RAI1: variants seen among roughly 807,000 people sequenced by gnomAD.
The protein encoded by RAI1 is retinoic acid induced 1, also known as retinoic acid-induced protein 1.
RAI1 carries 9 observed loss-of-function variants against 123.8 expected under a neutral mutation model. The observed-to-expected ratio is 0.07, with a 90% CI of 0.04 to 0.13. RAI1 has a LOEUF of 0.13. RAI1 is among the 10% of genes least tolerant of loss of function. The pLI is 1.00. For synonymous variants in RAI1, 1,231 were observed against 1,127.3 expected (o/e 1.09, Z -1.84); for missense variants, 2,256 against 2,545.8 (o/e 0.89, Z 2.45).
At chr17:17,779,771 CTTT>C (rs35262127) in intron 2 of RAI1, among the ~76,000 whole-genome samples, 21 of 107,930 alleles carry the variant, frequency 1.9e-4, no homozygotes, top group African/African-American at 1.9e-4. Flanking sequence ...CCTCCCCACC[CTTT>C]TTTTTTTTTT....
intron 2 of RAI1, among the ~76,000 whole-genome samples, chr17:17,763,629 G>T (rs2030798716): frequency 6.6e-6 from 1 of 152,248 alleles, no homozygotes; most frequent in Non-Finnish European, 1.5e-5. Flanking sequence ...GGTCATAAAA[G>T]AACCTGGTGC....
intron 2 of RAI1, among the ~76,000 whole-genome samples, chr17:17,774,315 G>A (rs1352369293): frequency 1.3e-5 from 2 of 152,278 alleles, no homozygotes; most frequent in African/African-American, 2.4e-5. Context: ...CACACAGCGA[G>A]TCAGCAGTGG....
intron 1 of RAI1, among the ~76,000 whole-genome samples, chr17:17,705,210 C>T (rs1416566993): frequency 6.6e-6 from 1 of 152,230 alleles, no homozygotes; most frequent in Non-Finnish European, 1.5e-5. Context: ...AGGAGAACAA[C>T]AGCCATGGAG....
At chr17:17,705,211 A>G (rs745836738) in intron 1 of RAI1, among the ~76,000 whole-genome samples, 2 of 152,254 alleles carry the variant, frequency 1.3e-5, no homozygotes, top group Non-Finnish European at 2.9e-5. Flanking sequence ...GGAGAACAAC[A>G]GCCATGGAGG....
At chr17:17,707,366 C>T (rs545973333) in intron 1 of RAI1, among the ~76,000 whole-genome samples, 15 of 152,100 alleles carry the variant, frequency 9.9e-5, no homozygotes, top group African/African-American at 3.1e-4. Flanking sequence ...GGGGGAGATG[C>T]GTGCAGTTTT....
At chr17:17,783,270 C>G (rs1000153450) in intron 2 of RAI1, among the ~76,000 whole-genome samples, 1 of 152,036 alleles carries the variant, frequency 6.6e-6, no homozygotes, top group African/African-American at 2.4e-5. Flanking sequence ...CGCCCTTCGC[C>G]GGCGGAGAAC....
intron 2 of RAI1, among the ~76,000 whole-genome samples, chr17:17,758,067 C>T (rs548433445): frequency 6.6e-6 from 1 of 152,234 alleles, no homozygotes; most frequent in East Asian, 1.9e-4. Context: ...CGGCTTAGAA[C>T]GTAAGGCATC....
chr17:17,695,392 G>C (rs1228837244), intron 1 of RAI1, among the ~76,000 whole-genome samples: 1 of 152,118 alleles, frequency 6.6e-6, no homozygotes, highest in Non-Finnish European at 1.5e-5. Flanking sequence ...TCCTGAGCTC[G>C]GGCACCCCGC....
chr17:17,762,861 C>T lies in RAI1; in HGVS notation c.-16-30072C>T, dbSNP rs141615536. Among the ~76,000 whole-genome samples, 1,044 of 152,206 alleles carry T rather than the reference C, an allele frequency of 6.9e-3. 13 individuals are homozygous for T. Among genetic ancestry groups the T allele is most frequent in the African/African-American group, 0.024 (987 of 41,508 alleles). ...CCCACACTGCCCACTCCCCAACCCC[C>T]TCCTCTCTCTAGGGCTGAAAGCAAG... On this transcript the variant is annotated intron_variant, in intron 2 of 5. Coordinates refer to ENST00000353383, the MANE Select transcript of RAI1 (RefSeq NM_030665.4).
chr17:17,792,648 G>A (rs191002916), intron 2 of RAI1, among the ~76,000 whole-genome samples: 167 of 151,954 alleles, frequency 1.1e-3, no homozygotes, highest in African/African-American at 3.9e-3. Context: ...ATCAGTGGCC[G>A]TCCTTGGCAA....
intron 2 of RAI1, among the ~76,000 whole-genome samples, chr17:17,725,867 G>T (rs1418892028): frequency 5.3e-5 from 8 of 151,990 alleles, no homozygotes; most frequent in Admixed American, 5.2e-4. Context: ...TGAGAGGGAG[G>T]GGGGCGGCTA....
intron 2 of RAI1, among the ~76,000 whole-genome samples, chr17:17,767,189 G>A (rs1220276094): frequency 2.6e-5 from 4 of 152,172 alleles, no homozygotes; most frequent in Admixed American, 1.3e-4. Context: ...GGAGGACCCC[G>A]GGGCCTGAGG....
chr17:17,699,992 A>C (rs1319235931), intron 1 of RAI1, among the ~76,000 whole-genome samples: 1 of 152,230 alleles, frequency 6.6e-6, no homozygotes, highest in Non-Finnish European at 1.5e-5. Flanking sequence ...ATGGGATCAC[A>C]AGAGCAAGTA....
At chr17:17,723,494 CTCTA>C (rs988611700) in intron 1 of RAI1, among the ~76,000 whole-genome samples, 11 of 151,994 alleles carry the variant, frequency 7.2e-5, no homozygotes. Flanking sequence ...CCCTCCCCTC[CTCTA>C]TCTTTGACAT....
At position 17,794,265 on chromosome 17, in the gene RAI1, C is replaced by T. The variant is rs1162261357; in HGVS notation, c.1317C>T (p.Thr439=). The change falls in exon 3 of 6, where the codon ACC becomes ACT. Residue 439 remains threonine (T), a synonymous_variant. Coordinates refer to ENST00000353383, the MANE Select transcript of RAI1 (RefSeq NM_030665.4). ...DLSLQSLTAL[T]SQVENISNTV... ...GCCTGCAGAGCCTCACGGCGCTGACCTCACAGGTGGAGAACATCTCCAACA... is the reference window on the plus strand; with the variant it reads ...GCCTGCAGAGCCTCACGGCGCTGACTTCACAGGTGGAGAACATCTCCAACA... 2 of 1,613,222 alleles carry T rather than the reference C, an allele frequency of 1.2e-6. No homozygotes were observed. The highest frequency in any genetic ancestry group is 1.7e-6 in the Non-Finnish European group (2 of 1,180,048).
intron 2 of RAI1, among the ~76,000 whole-genome samples, chr17:17,765,466 T>C (rs1598063288): frequency 6.6e-6 from 1 of 152,360 alleles, no homozygotes; most frequent in Admixed American, 6.5e-5. Flanking sequence ...ATGAAAATCG[T>C]GTAAAGCAAG....
intron 2 of RAI1, among the ~76,000 whole-genome samples, chr17:17,727,972 C>T (rs767719957): frequency 1.3e-5 from 2 of 152,098 alleles, no homozygotes; most frequent in Non-Finnish European, 2.9e-5. Flanking sequence ...CCGTGTGCCT[C>T]TGATCCTGCT....
chr17:17,689,278 A>G (rs1355721685), intron 1 of RAI1, among the ~76,000 whole-genome samples: 2 of 152,166 alleles, frequency 1.3e-5, no homozygotes, highest in African/African-American at 4.8e-5. Context: ...TTCTTCTTCC[A>G]TTCATGCCAG....
Position 17,681,771 on chromosome 17 carries a change from C to T in RAI1, c.-171C>T, listed in dbSNP as rs1598006652. ...AAGTCGCAGCGCCAGACCCAAGGCC[C>T]CCGAGTGAGCGCGGGCGCCGAGGTG... On this transcript the variant is annotated 5_prime_UTR_variant, in exon 1 of 6. Transcript: ENST00000353383. 4 of 327,848 alleles carry T rather than the reference C, an allele frequency of 1.2e-5. No individual in the cohort carries two copies. The East Asian group carries it at 1.8e-4, about 15-fold the overall frequency. The allele number at this position is 327,848 out of a possible 1,614,324, so 20.3% of individuals were successfully genotyped here.
Sources: gnomAD v4.1 joint callset for allele counts (sites outside exome capture counted in the v4.1 genomes callset) on GRCh38, gnomAD v4.1.1 for gene constraint, MANE v1.5 for transcripts, NCBI Gene and HGNC (gene_info 2026-07-23, HGNC 2026-07-21) for gene names.